The following HHLA2 variants were observed in gnomAD, a reference collection of about 807,000 sequenced individuals.
HHLA2 encodes the protein HHLA2 member of B7 family.
A neutral mutation model predicts 45.9 loss-of-function variants in HHLA2; 48 were observed. That is an observed-to-expected ratio of 1.05 (90% CI 0.83 to 1.33). The LOEUF is 1.33. Among genes scored for constraint, HHLA2 ranks in the 40% most tolerant of loss-of-function variants. The probability of loss-of-function intolerance (pLI) is 0.00; values close to 1 mark genes in which losing one functional copy is unlikely to be tolerated. For missense variants in HHLA2, 462 were observed against 494.3 expected, an observed-to-expected ratio of 0.93 and a Z score of 0.62; for synonymous variants, 161 against 173.9, an observed-to-expected ratio of 0.93 and a Z score of 0.59.
At chr3:108,321,043 C>T (rs994760641) in intron 2 of HHLA2, among the ~76,000 whole-genome samples, 1 of 138,266 alleles carries the variant, frequency 7.2e-6, no homozygotes, top group African/African-American at 2.7e-5. Flanking sequence ...GTCAAGATCA[C>T]TAGATTCGTA....
chr3:108,328,136 GA>G (rs35443708), intron 2 of HHLA2: 14,026 of 395,078 alleles, frequency 0.036, no homozygotes, highest in South Asian at 0.042. Flanking sequence ...CTGTCTCGAA[GA>G]AAAAAAAAAA....
At chr3:108,309,440 T>A (rs912595226) in intron 1 of HHLA2, among the ~76,000 whole-genome samples, 1 of 152,206 alleles carries the variant, frequency 6.6e-6, no homozygotes, top group Non-Finnish European at 1.5e-5. Context: ...AATCAGGTAA[T>A]GTGATTCCTC....
chr3:108,343,190 T>C (rs530482307), intron 3 of HHLA2, among the ~76,000 whole-genome samples: 2 of 152,330 alleles, frequency 1.3e-5, no homozygotes, highest in South Asian at 4.1e-4. Context: ...TATTTTTTCT[T>C]GTTTCTCAGA....
intron 1 of HHLA2, among the ~76,000 whole-genome samples, chr3:108,306,621 T>A (rs2080934953): frequency 6.6e-6 from 1 of 152,206 alleles, no homozygotes; most frequent in African/African-American, 2.4e-5. Context: ...CTCAGAAAAC[T>A]GTTTTTAAAT....
chr3:108,377,862 T>A lies in HHLA2; in HGVS notation c.*584T>A, dbSNP rs2082301533. The A allele has an allele frequency of 2.0e-5, 3 of 152,318 alleles. No homozygotes were observed. In the South Asian group the frequency reaches 6.2e-4, roughly 31 times the overall value. The allele number at this position is 152,318 out of a possible 1,614,324, so 9.4% of individuals were successfully genotyped here. On this transcript the variant is annotated 3_prime_UTR_variant, in exon 11 of 11. Transcript: ENST00000619531. ...AAGATTGCTAGGGAAAAGGGCCCTA[T>A]GTGTCAGGCCTCTGAGCCCAAGCCA...
chr3:108,347,005 A>C (rs1012459304), intron 3 of HHLA2, among the ~76,000 whole-genome samples: 1 of 152,078 alleles, frequency 6.6e-6, no homozygotes, highest in South Asian at 2.1e-4. Context: ...TCTCCCTCAC[A>C]TCTGGAATCC....
At chr3:108,300,936 G>A (rs187168973) in intron 1 of HHLA2, among the ~76,000 whole-genome samples, 11 of 152,130 alleles carry the variant, frequency 7.2e-5, no homozygotes, top group Admixed American at 1.3e-4. Context: ...AAATATTTAC[G>A]TTTAGCTTCT....
chr3:108,297,499 C>T (rs1325145843), intron 1 of HHLA2, among the ~76,000 whole-genome samples: 1 of 152,124 alleles, frequency 6.6e-6, no homozygotes, highest in Non-Finnish European at 1.5e-5. Flanking sequence ...AGCCAGTTTC[C>T]TAATCTGTAA....
At chr3:108,307,942 CA>C (rs1328949045) in intron 1 of HHLA2, among the ~76,000 whole-genome samples, 1 of 151,912 alleles carries the variant, frequency 6.6e-6, no homozygotes, top group African/African-American at 2.4e-5. Context: ...TACATGCATG[CA>C]ATGTAAAATA....
intron 3 of HHLA2, 48 bp from the exon 3 acceptor site, chr3:108,351,739 CT>C: frequency 8.5e-7 from 1 of 1,174,328 alleles, no homozygotes; most frequent in African/African-American, 1.5e-5. Context: ...TTCCAATTCC[CT>C]TTTGCATTTT....
rs919210025 is a variant in HHLA2 at position 108,351,217 on chromosome 3, G to A, written c.-26-571G>A. On this transcript the variant is annotated intron_variant, in intron 3 of 10. Transcript: ENST00000619531. ...TGCTTTGTAACCCATGAATTTAATG[G>A]CTTGCACTAGTATTGGATATGTAAA... Among the ~76,000 whole-genome samples the A allele has an allele frequency of 2.0e-5, 3 of 151,970 alleles. No homozygotes were observed. The East Asian group carries it at 5.8e-4, about 29-fold the overall frequency.
intron 2 of HHLA2, among the ~76,000 whole-genome samples, chr3:108,311,069 T>C (rs1320451878): frequency 2.0e-5 from 3 of 152,218 alleles, no homozygotes; most frequent in Non-Finnish European, 2.9e-5. Context: ...TGTCTGTATC[T>C]AGCATATGTA....
chr3:108,307,412 G>T (rs558364323), intron 1 of HHLA2, among the ~76,000 whole-genome samples: 1 of 151,974 alleles, frequency 6.6e-6, no homozygotes, highest in South Asian at 2.1e-4. Flanking sequence ...GAGGCGGGTG[G>T]ATCATGAGGT....
chr3:108,301,667 G>A (rs1201479755), intron 1 of HHLA2, among the ~76,000 whole-genome samples: 1 of 152,048 alleles, frequency 6.6e-6, no homozygotes, highest in Non-Finnish European at 1.5e-5. Context: ...GGTGGCCCGT[G>A]GTAGTTTTAA....
chr3:108,318,618 C>T (rs555936194), intron 2 of HHLA2, among the ~76,000 whole-genome samples: 4 of 152,166 alleles, frequency 2.6e-5, no homozygotes, highest in Admixed American at 2.6e-4. Context: ...TATACTAATT[C>T]ATGTTCATTG....
At chr3:108,346,183 C>T (rs561263652) in intron 3 of HHLA2, among the ~76,000 whole-genome samples, 3 of 152,158 alleles carry the variant, frequency 2.0e-5, no homozygotes, top group African/African-American at 4.8e-5. Flanking sequence ...AAAACAGAAC[C>T]GAAGGCAAAG....
intron 3 of HHLA2, among the ~76,000 whole-genome samples, chr3:108,335,099 T>G (rs188855433): frequency 6.6e-6 from 1 of 152,314 alleles, no homozygotes; most frequent in Admixed American, 6.5e-5. Flanking sequence ...TAGCAAGTAA[T>G]TAATTATTCT....
At chr3:108,345,296 A>G (rs557287541) in intron 3 of HHLA2, among the ~76,000 whole-genome samples, 204 of 152,350 alleles carry the variant, frequency 1.3e-3, no homozygotes, top group African/African-American at 4.5e-3. Flanking sequence ...TGCAGCTTCC[A>G]TCATCCAAGT....
exon 5 of HHLA2, chr3:108,353,675 T>G (rs1387854934): frequency 6.2e-7 from 1 of 1,613,668 alleles, no homozygotes. Context: ...TGGGAATGCG[T>G]CGCTATTTTT....
Sources: allele counts gnomAD v4.1 joint callset (sites outside exome capture counted in the v4.1 genomes callset), GRCh38; gene constraint gnomAD v4.1.1; transcripts MANE v1.5; gene names NCBI Gene and HGNC (gene_info 2026-07-23, HGNC 2026-07-21).